The following RAB3GAP1 variants were observed in gnomAD, a reference collection of about 807,000 sequenced individuals.
RAB3GAP1 encodes RAB3 GTPase activating protein catalytic subunit 1, also known as rab3 GTPase-activating protein catalytic subunit.
A neutral mutation model predicts 130.7 loss-of-function variants in RAB3GAP1; 86 were observed. That is an observed-to-expected ratio of 0.66 (90% CI 0.55 to 0.79). The LOEUF (loss-of-function observed/expected upper bound fraction) is 0.79. RAB3GAP1 is among the 30% of genes least tolerant of loss of function. The pLI, the probability that RAB3GAP1 is intolerant of heterozygous loss-of-function variation, is 0.00. For synonymous variants in RAB3GAP1, 367 were observed against 401.7 expected, an observed-to-expected ratio of 0.91 and a Z score of 1.03; for missense variants, 1,029 against 1,169.4, an observed-to-expected ratio of 0.88 and a Z score of 1.75.
At chr2:135,155,198 C>G (rs1346601203) in intron 19 of RAB3GAP1, among the ~76,000 whole-genome samples, 8 of 151,928 alleles carry the variant, frequency 5.3e-5, no homozygotes, top group South Asian at 4.2e-4. Flanking sequence ...AGAAATGAAA[C>G]CACAACTGAT....
chr2:135,132,828 A>G, intron 13 of RAB3GAP1, 67 bp from the exon 14 acceptor site: 1 of 908,142 alleles, frequency 1.1e-6, no homozygotes, highest in Non-Finnish European at 1.8e-6. Context: ...TGTCTATATG[A>G]GTTATAAAAA....
chr2:135,105,355 C>G (rs1019178468), intron 5 of RAB3GAP1, among the ~76,000 whole-genome samples: 3 of 151,758 alleles, frequency 2.0e-5, no homozygotes, highest in African/African-American at 7.3e-5. Context: ...CCTCAGCCTG[C>G]CGAGTGCCTG....
In RAB3GAP1 at chr2:135,165,436, A is replaced by C. The variant is rs567754489; in HGVS notation, c.2709+740A>C. On this transcript the variant is annotated intron_variant, in intron 23 of 23. Coordinates refer to ENST00000264158, the MANE Select transcript of RAB3GAP1 (RefSeq NM_012233.3). Reference sequence around the variant, plus strand: ...CACTGTGATTACACTAGAATGACCCAGTTTTGAGAGTGTAATTTTCAGAAA... The same window carrying C: ...CACTGTGATTACACTAGAATGACCCCGTTTTGAGAGTGTAATTTTCAGAAA... 5.3e-5 allele frequency among the ~76,000 whole-genome samples: 8 copies of C among 152,352 alleles called. No homozygotes were observed. In the South Asian group the frequency reaches 6.2e-4, roughly 12 times the overall value.
chr2:135,107,136 T>C (rs1283295642), intron 5 of RAB3GAP1, among the ~76,000 whole-genome samples: 1 of 150,594 alleles, frequency 6.6e-6, no homozygotes. Context: ...AAGAATTCTA[T>C]ATCCAGTGAA....
rs753425901 is a variant in RAB3GAP1, at chr2:135,052,499, A to G, written c.74+14A>G. ...GGAATGGGAAAGGTGAGTGAATCGC[A>G]TTTTTGGTTACCAGCTCCCATGGGC... On this transcript the variant is annotated intron_variant, in intron 2 of 23. Transcript: ENST00000264158. 1.4e-4 allele frequency: 224 copies of G among 1,612,830 alleles called. No homozygotes were observed. Among genetic ancestry groups the G allele is most frequent in the Non-Finnish European group, 1.8e-4 (217 of 1,179,994 alleles).
chr2:135,066,620 A>G (rs1214873910), intron 3 of RAB3GAP1, among the ~76,000 whole-genome samples: 2 of 152,188 alleles, frequency 1.3e-5, no homozygotes, highest in African/African-American at 4.8e-5. Context: ...AAGTGTGTGT[A>G]AAATTACTTC....
chr2:135,085,786 T>G (rs1203630994), intron 3 of RAB3GAP1, among the ~76,000 whole-genome samples: 2 of 152,206 alleles, frequency 1.3e-5, no homozygotes, highest in Non-Finnish European at 2.9e-5. Flanking sequence ...ATTTTTTATT[T>G]GTTGGGTTAT....
intron 23 of RAB3GAP1, among the ~76,000 whole-genome samples, chr2:135,165,423 A>C (rs1692611201): frequency 6.6e-6 from 1 of 152,220 alleles, no homozygotes; most frequent in Non-Finnish European, 1.5e-5. Flanking sequence ...CTGTGATTAC[A>C]CTAGAATGAC....
chr2:135,173,325 C>T (rs538224931), downstream of RAB3GAP1, among the ~76,000 whole-genome samples: 8 of 151,202 alleles, frequency 5.3e-5, no homozygotes, highest in South Asian at 2.1e-4. Flanking sequence ...GGGGATTGAG[C>T]GAGAAAGGAA....
In RAB3GAP1 at chr2:135,124,153, TC is replaced by T; in HGVS notation, c.749-11del. The stretch of plus-strand genomic sequence containing the variant: ...TTTTCCCAAATGATGGAAAAATATT[TC>T]TTTTGTTTAGACATAGATGCCCTTG... On this transcript the variant is annotated splice_polypyrimidine_tract_variant and intron_variant, in intron 8 of 23. Transcript: ENST00000264158. 6.2e-7 allele frequency: 1 copy of T among 1,611,298 alleles called. No homozygotes were observed. Among genetic ancestry groups the T allele is most frequent in the Non-Finnish European group, 8.5e-7 (1 of 1,177,380 alleles).
At chr2:135,063,706 G>A (rs1444955257) in intron 3 of RAB3GAP1, among the ~76,000 whole-genome samples, 3 of 152,024 alleles carry the variant, frequency 2.0e-5, no homozygotes, top group Non-Finnish European at 4.4e-5. Flanking sequence ...ATCACATTTT[G>A]TTTATCTGTT....
chr2:135,061,897 T>C (rs557020811), intron 3 of RAB3GAP1, among the ~76,000 whole-genome samples: 4 of 152,358 alleles, frequency 2.6e-5, no homozygotes, highest in African/African-American at 9.6e-5. Context: ...TAGAACCTAC[T>C]TTGGAAAACA....
At chr2:135,165,378 A>T (rs949194029) in intron 23 of RAB3GAP1, among the ~76,000 whole-genome samples, 8 of 152,226 alleles carry the variant, frequency 5.3e-5, no homozygotes, top group Non-Finnish European at 8.8e-5. Flanking sequence ...TAAAGGCGTT[A>T]TGTGCACTAA....
chr2:135,060,782 T>C (rs548268602), intron 3 of RAB3GAP1, among the ~76,000 whole-genome samples: 4 of 151,274 alleles, frequency 2.6e-5, no homozygotes, highest in Non-Finnish European at 4.4e-5. Flanking sequence ...CTTGGCTCAT[T>C]GCAACCTCTG....
intron 3 of RAB3GAP1, among the ~76,000 whole-genome samples, chr2:135,065,911 C>A (rs1464339945): frequency 6.6e-6 from 1 of 151,816 alleles, no homozygotes; most frequent in African/African-American, 2.4e-5. Context: ...GCTGGGACTA[C>A]AGGTGTGCGC....
Position 135,169,272 on chromosome 2 carries a change from A to G in RAB3GAP1, c.*491A>G. The G allele has an allele frequency of 4.4e-6, 1 of 226,394 alleles. No homozygotes were observed. Among genetic ancestry groups the G allele is most frequent in the Non-Finnish European group, 8.9e-6 (1 of 112,374 alleles). 14.0% of individuals were successfully genotyped at this position (226,394 alleles called of 1,614,324 possible). On this transcript the variant is annotated 3_prime_UTR_variant, in exon 24 of 24. Coordinates refer to ENST00000264158, the MANE Select transcript of RAB3GAP1 (RefSeq NM_012233.3). ...ATCTGTGTTTTTAAAATACTACATG[A>G]CATTCTGTCTATTCAATCACCTGGT...
At chr2:135,157,091 T>C (rs368440632) in intron 19 of RAB3GAP1, among the ~76,000 whole-genome samples, 28 of 152,274 alleles carry the variant, frequency 1.8e-4, no homozygotes, top group Admixed American at 1.2e-3. Context: ...AACAGAAAGA[T>C]AGCCCTCAAA....
At chr2:135,168,117 G>A (rs1035930937) in intron 23 of RAB3GAP1, among the ~76,000 whole-genome samples, 3 of 152,216 alleles carry the variant, frequency 2.0e-5, no homozygotes, top group South Asian at 2.1e-4. Context: ...AAAAAGAATC[G>A]ATTAAAAAAT....
At chr2:135,173,282 G>A (rs1257389809), downstream of RAB3GAP1, among the ~76,000 whole-genome samples, 1 of 151,832 alleles carries the variant, frequency 6.6e-6, no homozygotes, top group Admixed American at 6.6e-5. Flanking sequence ...TTAAGCCATG[G>A]ACAGTATGAG....
Sources: allele counts gnomAD v4.1 joint callset (sites outside exome capture counted in the v4.1 genomes callset), GRCh38; gene constraint gnomAD v4.1.1; transcripts MANE v1.5; gene names NCBI Gene and HGNC (gene_info 2026-07-23, HGNC 2026-07-21).